NAALADL2: variants seen among roughly 807,000 people sequenced by gnomAD.
The protein encoded by NAALADL2 is inactive N-acetylated-alpha-linked acidic dipeptidase-like protein 2.
NAALADL2 carries 76 observed loss-of-function variants against 87.2 expected under a neutral mutation model. That is an observed-to-expected ratio of 0.87 (90% CI 0.72 to 1.05). NAALADL2 has a LOEUF of 1.05. Among genes scored for constraint, NAALADL2 ranks in the 50% least tolerant of loss-of-function variants. NAALADL2 has a pLI of 0.00. For synonymous variants in NAALADL2, 354 were observed against 331.0 expected (o/e 1.07, Z -0.75); for missense variants, 1,089 against 945.8 (o/e 1.15, Z -1.99).
chr3:174,549,030 A>G (rs914137142), intron 1 of NAALADL2, among the ~76,000 whole-genome samples: 1 of 152,146 alleles, frequency 6.6e-6, no homozygotes, highest in Non-Finnish European at 1.5e-5. Flanking sequence ...TTGTAGAGAC[A>G]GGGTTTCAAC....
At chr3:175,074,211 A>G (rs1333330028) in intron 1 of NAALADL2, among the ~76,000 whole-genome samples, 1 of 152,130 alleles carries the variant, frequency 6.6e-6, no homozygotes, top group African/African-American at 2.4e-5. Context: ...GTATGATTAG[A>G]TTTTTTAGAA....
At chr3:174,973,667 A>C (rs1359972695) in intron 1 of NAALADL2, among the ~76,000 whole-genome samples, 1 of 152,226 alleles carries the variant, frequency 6.6e-6, no homozygotes, top group African/African-American at 2.4e-5. Flanking sequence ...TCCGAAACCT[A>C]GATGGCATAG....
intron 1 of NAALADL2, among the ~76,000 whole-genome samples, chr3:174,480,868 G>A (rs1717504232): frequency 6.6e-6 from 1 of 152,004 alleles, no homozygotes; most frequent in Non-Finnish European, 1.5e-5. Flanking sequence ...TTGAAGTTGA[G>A]TAGATAAGGA....
At chr3:175,004,345 C>T (rs932372540) in intron 1 of NAALADL2, among the ~76,000 whole-genome samples, 11 of 134,688 alleles carry the variant, frequency 8.2e-5, no homozygotes, top group African/African-American at 3.1e-4. Flanking sequence ...CGCCTCTACA[C>T]TCCAGCCTGG....
At chr3:175,559,447 A>G (rs747065267) in intron 9 of NAALADL2, among the ~76,000 whole-genome samples, 1 of 151,372 alleles carries the variant, frequency 6.6e-6, no homozygotes, top group Non-Finnish European at 1.5e-5. Flanking sequence ...CTCTTGTCTG[A>G]TTGCTTTAGC....
At chr3:174,474,030 G>A (rs1322140615) in intron 1 of NAALADL2, among the ~76,000 whole-genome samples, 1 of 152,060 alleles carries the variant, frequency 6.6e-6, no homozygotes, top group African/African-American at 2.4e-5. Context: ...GATCTTGTGA[G>A]AACTCACTCT....
At chr3:175,319,612 G>A (rs1247374679) in intron 4 of NAALADL2, among the ~76,000 whole-genome samples, 1 of 152,128 alleles carries the variant, frequency 6.6e-6, no homozygotes, top group African/African-American at 2.4e-5. Flanking sequence ...TTGGGGTCAG[G>A]AATTTGAGAC....
chr3:175,791,789 TTTA>T (rs1752810511), intron 13 of NAALADL2, among the ~76,000 whole-genome samples: 1 of 151,674 alleles, frequency 6.6e-6, no homozygotes, highest in Non-Finnish European at 1.5e-5. Context: ...TTTCAATAAA[TTTA>T]TTTTTTTCTT....
At chr3:174,615,200 G>A (rs986610471) in intron 2 of NAALADL2, among the ~76,000 whole-genome samples, 4 of 152,150 alleles carry the variant, frequency 2.6e-5, no homozygotes, top group Non-Finnish European at 5.9e-5. Context: ...TGTGGAAGTA[G>A]CTATTAGATT....
chr3:174,885,791 G>A (rs1730019498), intron 1 of NAALADL2, among the ~76,000 whole-genome samples: 1 of 142,726 alleles, frequency 7.0e-6, no homozygotes, highest in African/African-American at 2.6e-5. Context: ...GCAGTAACTA[G>A]CATAAAAATT....
intron 2 of NAALADL2, among the ~76,000 whole-genome samples, chr3:174,560,633 G>A (rs1713486453): frequency 6.6e-6 from 1 of 152,134 alleles, no homozygotes; most frequent in South Asian, 2.1e-4. Context: ...TATTTTGATT[G>A]ATGGTTTTTG....
intron 2 of NAALADL2, among the ~76,000 whole-genome samples, chr3:175,116,380 CAA>C (rs1725169132): frequency 6.6e-6 from 1 of 152,168 alleles, no homozygotes; most frequent in South Asian, 2.1e-4. Flanking sequence ...GCAAATTCAG[CAA>C]AGTCTCAGGA....
At position 175,663,858 on chromosome 3, in the gene NAALADL2, A is replaced by C. The variant is rs190124516; in HGVS notation, c.1896+36472A>C. ...TACGTAATTCCTAGAAAACATAATA[A>C]AATATTTTAATTTTTGACCTAGATA... On this transcript the variant is annotated intron_variant, in intron 11 of 13. Coordinates refer to ENST00000454872, the MANE Select transcript of NAALADL2 (RefSeq NM_207015.3). 1.5e-3 allele frequency among the ~76,000 whole-genome samples: 229 copies of C among 152,082 alleles called. 2 individuals are homozygous for C. The highest frequency in any genetic ancestry group is 3.5e-3 in the Middle Eastern group (1 of 288).
At chr3:175,324,348 T>C (rs753465375) in intron 5 of NAALADL2, 23 bp downstream of exon 5, 2 of 1,599,076 alleles carry the variant, frequency 1.3e-6, no homozygotes, top group Admixed American at 1.7e-5. Flanking sequence ...GTCATCATTA[T>C]TATACTTGTA....
At chr3:174,611,838 A>T (rs1406292747) in intron 2 of NAALADL2, among the ~76,000 whole-genome samples, 1 of 150,416 alleles carries the variant, frequency 6.6e-6, no homozygotes, top group African/African-American at 2.4e-5. Flanking sequence ...CTTGTGTTCC[A>T]CCTGCTTCTG....
At chr3:175,195,385 A>G (rs1254752321) in intron 2 of NAALADL2, among the ~76,000 whole-genome samples, 1 of 151,874 alleles carries the variant, frequency 6.6e-6, no homozygotes, top group Non-Finnish European at 1.5e-5. Flanking sequence ...TTATGAAAAA[A>G]TAAGTTATGG....
chr3:174,668,611 C>G (rs955036821), intron 2 of NAALADL2, among the ~76,000 whole-genome samples: 2 of 152,060 alleles, frequency 1.3e-5, no homozygotes, highest in Non-Finnish European at 2.9e-5. Context: ...GTGATGTTTC[C>G]CTTCCTGTGT....
At chr3:175,348,855 A>T (rs1197029832) in intron 5 of NAALADL2, among the ~76,000 whole-genome samples, 1 of 152,154 alleles carries the variant, frequency 6.6e-6, no homozygotes, top group Admixed American at 6.5e-5. Context: ...TCAATCCGTT[A>T]TAACGTGTAT....
chr3:175,469,460 TCTGGAAACCCAC>T (rs1196362309), intron 8 of NAALADL2, among the ~76,000 whole-genome samples: 1 of 152,030 alleles, frequency 6.6e-6, no homozygotes, highest in African/African-American at 2.4e-5. Context: ...CATAGAAAAC[TCTGGAAACCCAC>T]AGTGGTAGTT....
Sources: allele counts gnomAD v4.1 joint callset (sites outside exome capture counted in the v4.1 genomes callset), GRCh38; gene constraint gnomAD v4.1.1; transcripts MANE v1.5; gene names NCBI Gene and HGNC (gene_info 2026-07-23, HGNC 2026-07-21).